Variants in PRKAG3 observed in about 807,000 individuals in gnomAD.
PRKAG3 encodes the protein 5'-AMP-activated protein kinase subunit gamma-3.
In PRKAG3, 39 loss-of-function variants were observed where a neutral mutation model predicts 56.5. That is an observed-to-expected ratio of 0.69 (90% CI 0.53 to 0.90). The LOEUF is 0.90. Ranked by LOEUF, PRKAG3 falls within the 40% of genes least tolerant of loss-of-function variation. PRKAG3 has a pLI of 0.00. For missense variants in PRKAG3, 628 were observed against 627.5 expected (o/e 1.00, Z -0.01); for synonymous variants, 243 against 250.1 (o/e 0.97, Z 0.27).
chr2:218,831,010 C>T (rs929967912), intron 2 of PRKAG3, 109 bp from the exon 3 acceptor site: 2 of 1,293,950 alleles, frequency 1.5e-6, no homozygotes, highest in African/African-American at 2.9e-5. Flanking sequence ...GGCTTTTCTC[C>T]AACATATTTC....
rs151134465 is a variant in PRKAG3, at chr2:218,830,266, G to A, written c.345C>T (p.Asp115=). The change falls in exon 4 of 13, where the codon GAC becomes GAT. Residue 115 remains aspartate, a synonymous_variant. Coordinates refer to ENST00000529249, the Ensembl canonical transcript of PRKAG3. ...AGGCTGTACAGTCAGAGGGGAGGCA[G>A]TCCCACCCTGTTGGTGGAGTGCCCA... 335 of 1,613,864 alleles carry A rather than the reference G, an allele frequency of 2.1e-4. 2 individuals carry two copies. In the African/African-American group the frequency reaches 4.2e-3, roughly 20 times the overall value.
chr2:218,831,261 T>C lies in PRKAG3; in HGVS notation c.73+75A>G, dbSNP rs1017691788. On this transcript the variant is annotated intron_variant, in intron 2 of 12. Coordinates refer to ENST00000529249, the Ensembl canonical transcript of PRKAG3. ...AGATAAAAGCCAGGCTGGGAGGGAA[T>C]TGGGGTCCCAGAAAAGTGGGGGACA... is the stretch of plus-strand genomic sequence containing the variant. The C allele has an allele frequency of 1.0e-5, 12 of 1,169,430 alleles. No homozygotes were observed. In the African/African-American group the frequency reaches 1.4e-4, roughly 14 times the overall value. 72.4% of individuals were successfully genotyped at this position (1,169,430 alleles called of 1,614,324 possible).
intron 2 of PRKAG3, 115 bp downstream of exon 2, chr2:218,831,221 A>C: frequency 1.2e-6 from 1 of 837,884 alleles, no homozygotes; most frequent in Non-Finnish European, 1.9e-6. Flanking sequence ...TGAGGAAGAA[A>C]GACCAAAAGG....
Position 218,824,348 on chromosome 2 carries a change from G to A in PRKAG3, c.1227C>T (p.Thr409=), listed in dbSNP as rs761103282. ...CCACACTCATGTCCAGGTGGTTGTA[G>A]GTTTGCTGGGCAGCCAGGTGCTGGG... The change falls in exon 12 of 13, where the codon ACC becomes ACT. Residue 409 remains threonine (T), a synonymous_variant. Transcript: ENST00000529249. 30 of 1,613,998 alleles carry A rather than the reference G, an allele frequency of 1.9e-5. No individual in the cohort carries two copies. In the South Asian group the frequency reaches 2.5e-4, roughly 14 times the overall value.
intron 10 of PRKAG3, among the ~76,000 whole-genome samples, chr2:218,825,335 CAAA>C (rs3078328): frequency 1.7e-4 from 12 of 71,110 alleles, no homozygotes; most frequent in African/African-American, 2.3e-4. Context: ...GACTCTGTCT[CAAA>C]AAAAAAAAAA....
rs767198717 is a variant in PRKAG3 at position 218,831,319 on chromosome 2, G to T, written c.73+17C>A. ...GGGGGAAGAGGTTAGGCCCCAGGGA[G>T]GGGGCATTCTCCCTACCTTGATGCT... On this transcript the variant is annotated intron_variant, in intron 2 of 12. Transcript: ENST00000529249. 6.3e-7 allele frequency: 1 copy of T among 1,576,650 alleles called. No homozygotes were observed. Among genetic ancestry groups the T allele is most frequent in the South Asian group, 1.2e-5 (1 of 86,066 alleles).
intron 3 of PRKAG3, 42 bp downstream of exon 3, chr2:218,830,704 C>T (rs1320394063): frequency 6.3e-7 from 1 of 1,597,120 alleles, no homozygotes; most frequent in Non-Finnish European, 8.5e-7. Context: ...GGATTTCCCA[C>T]TCCCCTGGCT....
intron 1 of PRKAG3, 85 bp downstream of exon 1, chr2:218,831,653 C>G (rs947398190): frequency 3.3e-6 from 5 of 1,512,052 alleles, no homozygotes; most frequent in Non-Finnish European, 4.5e-6. Flanking sequence ...AGAAGACACA[C>G]ACGCCCACAC....
chr2:218,827,430 C>A lies in PRKAG3; in HGVS notation c.876-57G>T. ...AGCCTAGGGAGAGACAACCTCCATCCCAGGCCCCTAAAAAGGAGGGCAGGG... is the reference window on the plus strand; with the variant it reads ...AGCCTAGGGAGAGACAACCTCCATCACAGGCCCCTAAAAAGGAGGGCAGGG... On this transcript the variant is annotated intron_variant, in intron 8 of 12. Transcript: ENST00000529249. This position sits in a 1 kb window ranked among gnomAD's most constrained non-coding sequence, Gnocchi z 5.3. The A allele has an allele frequency of 1.2e-6, 2 of 1,612,680 alleles. No individual in the cohort carries two copies. Among genetic ancestry groups the A allele is most frequent in the Non-Finnish European group, 1.7e-6 (2 of 1,178,984 alleles).
downstream of PRKAG3, chr2:218,822,394 G>A (rs984484136): frequency 1.3e-5 from 2 of 152,120 alleles, no homozygotes; most frequent in Admixed American, 6.5e-5. Flanking sequence ...CAAGAGAAAC[G>A]GCACTTGTGA....
intron 5 of PRKAG3, 144 bp from the exon 6 acceptor site, chr2:218,828,206 C>A: frequency 1.2e-6 from 1 of 859,614 alleles, no homozygotes; most frequent in South Asian, 1.7e-5. Flanking sequence ...GGCAGCCCCC[C>A]AGGCCTGAGA....
chr2:218,830,922 G>A (rs772082773), intron 2 of PRKAG3, 21 bp from the exon 3 acceptor site: 12 of 1,612,162 alleles, frequency 7.4e-6, no homozygotes, highest in Non-Finnish European at 1.0e-5. Context: ...AATGGGGCCT[G>A]TTTGGTTAAT....
At chr2:218,829,401 A>G (rs532470283) in intron 4 of PRKAG3, among the ~76,000 whole-genome samples, 47 of 151,644 alleles carry the variant, frequency 3.1e-4, no homozygotes, top group South Asian at 1.0e-3. Context: ...GCTCACTGCA[A>G]CCTCTGCCTC....
intron 10 of PRKAG3, among the ~76,000 whole-genome samples, chr2:218,825,351 A>AT (rs1231313183): frequency 6.6e-6 from 1 of 151,724 alleles, no homozygotes; most frequent in African/African-American, 2.4e-5. Flanking sequence ...AAAAAAAAAA[A>AT]AAAATTCTTG....
Position 218,824,596 on chromosome 2 carries a change from G to A in PRKAG3, c.1169-20C>T, listed in dbSNP as rs369695220. ...CCTGACCTGCAGAGGGTGGTTGTGG[G>A]GGGTGGGGGGAGAAAGACAGGGAAG... On this transcript the variant is annotated intron_variant, in intron 10 of 12. Coordinates refer to ENST00000529249, the Ensembl canonical transcript of PRKAG3. 4 of 1,604,980 alleles carry A rather than the reference G, an allele frequency of 2.5e-6. No individual in the cohort carries two copies. Among genetic ancestry groups the A allele is most frequent in the Non-Finnish European group, 3.4e-6 (4 of 1,171,702 alleles).
At chr2:218,823,425 T>C (rs560445403) in exon 13 of PRKAG3, 3 of 363,322 alleles carry the variant, frequency 8.3e-6, no homozygotes, top group South Asian at 5.0e-5. Flanking sequence ...CATCGCAGCC[T>C]TAGCTTTTAG....
At chr2:218,830,253 C>G in exon 4 of PRKAG3, 1 of 1,613,994 alleles carries the variant, frequency 6.2e-7, no homozygotes. Context: ...GCTGTACAGT[C>G]AGAGGGGAGG....
At chr2:218,830,998 T>C (rs1212472232) in intron 2 of PRKAG3, 97 bp from the exon 3 acceptor site, 1 of 1,378,216 alleles carries the variant, frequency 7.3e-7, no homozygotes, top group Non-Finnish European at 1.0e-6. Context: ...AAGCTTCCAA[T>C]GGGCTTTTCT....
In PRKAG3 at chr2:218,827,226, C is replaced by T; in HGVS notation, c.1002+21G>A. Reference sequence around the variant, plus strand: ...CACCTGCCCAGGTCTCCCCCTTCCTCCCACCTGGGCCCAGGCTTACAAAGA... The same window carrying T: ...CACCTGCCCAGGTCTCCCCCTTCCTTCCACCTGGGCCCAGGCTTACAAAGA... On this transcript the variant is annotated intron_variant, in intron 9 of 12. Coordinates refer to ENST00000529249, the Ensembl canonical transcript of PRKAG3. This position sits in a 1 kb window ranked among gnomAD's most constrained non-coding sequence, Gnocchi z 5.3. The T allele has an allele frequency of 5.6e-6, 9 of 1,614,170 alleles. No homozygotes were observed. Among genetic ancestry groups the T allele is most frequent in the Non-Finnish European group, 7.6e-6 (9 of 1,180,028 alleles).
Sources: allele counts gnomAD v4.1 joint callset (sites outside exome capture counted in the v4.1 genomes callset), GRCh38; gene constraint gnomAD v4.1.1; non-coding constraint Gnocchi (gnomAD v3.1); transcripts MANE v1.5; gene names NCBI Gene and HGNC (gene_info 2026-07-23, HGNC 2026-07-21).